RBFOX1: variants seen among roughly 807,000 people sequenced by gnomAD.
The protein encoded by RBFOX1 is RNA binding protein fox-1 homolog 1.
A neutral mutation model predicts 57.7 loss-of-function variants in RBFOX1; 8 were observed. That is an observed-to-expected ratio of 0.14 (90% confidence interval 0.08 to 0.25). The LOEUF is 0.25. Ranked by LOEUF, RBFOX1 falls within the 10% of genes least tolerant of loss-of-function variation. The probability of loss-of-function intolerance (pLI) is 1.00; values close to 1 mark genes in which losing one functional copy is unlikely to be tolerated. For synonymous variants in RBFOX1, 326 were observed against 222.4 expected (o/e 1.47, Z -4.15); for missense variants, 611 against 548.5 (o/e 1.11, Z -1.14).
chr16:7,442,568 A>G (rs2098777034), intron 4 of RBFOX1, among the ~76,000 whole-genome samples: 1 of 152,140 alleles, frequency 6.6e-6, no homozygotes, highest in Admixed American at 6.5e-5. Flanking sequence ...CTTGTCCCTA[A>G]TGAGTTGTCC....
intron 3 of RBFOX1, among the ~76,000 whole-genome samples, chr16:6,909,528 C>A (rs1010220559): frequency 5.9e-5 from 9 of 152,206 alleles, no homozygotes; most frequent in Non-Finnish European, 1.3e-4. Flanking sequence ...GGCGTTCCAC[C>A]TGTGTGATGG....
chr16:6,976,991 A>C (rs1356898757), intron 3 of RBFOX1, among the ~76,000 whole-genome samples: 3 of 147,288 alleles, frequency 2.0e-5, no homozygotes, highest in Non-Finnish European at 4.5e-5. Context: ...CATATATATC[A>C]CATGCCATAT....
chr16:5,364,382 G>C (rs2065645618), intron 1 of RBFOX1, among the ~76,000 whole-genome samples: 1 of 152,120 alleles, frequency 6.6e-6, no homozygotes, highest in East Asian at 1.9e-4. Context: ...TCATTTTCTA[G>C]GAAAACAAGC....
chr16:6,573,345 C>A (rs916323436), intron 2 of RBFOX1, among the ~76,000 whole-genome samples: 3 of 152,162 alleles, frequency 2.0e-5, no homozygotes, highest in African/African-American at 7.2e-5. Context: ...CTTTCTCCTG[C>A]CCCGGACTGT....
chr16:5,302,292 A>C (rs922555882), intron 1 of RBFOX1, among the ~76,000 whole-genome samples: 1 of 152,184 alleles, frequency 6.6e-6, no homozygotes. Flanking sequence ...TGTCAGAGAA[A>C]TCATTTTTTT....
intron 1 of RBFOX1, among the ~76,000 whole-genome samples, chr16:6,159,526 C>A (rs1325550949): frequency 6.6e-6 from 1 of 152,178 alleles, no homozygotes; most frequent in East Asian, 1.9e-4. Context: ...CATCCAGTTC[C>A]AGTGCACACA....
At chr16:5,662,867 A>G (rs900895544) in intron 3 of RBFOX1, among the ~76,000 whole-genome samples, 17 of 152,218 alleles carry the variant, frequency 1.1e-4, no homozygotes, top group African/African-American at 3.6e-4. Context: ...AGTAACACCT[A>G]TGCCACTGTT....
intron 4 of RBFOX1, among the ~76,000 whole-genome samples, chr16:7,513,178 A>G (rs978048487): frequency 2.0e-5 from 3 of 152,040 alleles, no homozygotes; most frequent in Admixed American, 6.6e-5. Flanking sequence ...CAGGAGAATC[A>G]CTTGAACCTC....
At chr16:6,963,797 C>A (rs1309257663) in intron 3 of RBFOX1, among the ~76,000 whole-genome samples, 3 of 150,340 alleles carry the variant, frequency 2.0e-5, no homozygotes, top group Admixed American at 6.6e-5. Context: ...CTCCCGGGTT[C>A]ATGCCATTCT....
At chr16:6,618,962 A>G (rs959422219) in intron 2 of RBFOX1, among the ~76,000 whole-genome samples, 1 of 152,186 alleles carries the variant, frequency 6.6e-6, no homozygotes, top group Non-Finnish European at 1.5e-5. Flanking sequence ...AGAATGCAAA[A>G]GGGTTATTTA....
At chr16:5,550,456 G>C (rs2045417135) in intron 2 of RBFOX1, among the ~76,000 whole-genome samples, 1 of 152,198 alleles carries the variant, frequency 6.6e-6, no homozygotes, top group Admixed American at 6.5e-5. Flanking sequence ...GAAGGCTGAG[G>C]CTGCCCAGGG....
At chr16:5,319,627 A>AGACT (rs2064345220) in intron 1 of RBFOX1, among the ~76,000 whole-genome samples, 1 of 152,212 alleles carries the variant, frequency 6.6e-6, no homozygotes, top group South Asian at 2.1e-4. Context: ...TGGTGGGGAA[A>AGACT]GACTGACCGT....
chr16:7,126,864 C>G (rs1159582078), intron 4 of RBFOX1, among the ~76,000 whole-genome samples: 3 of 151,928 alleles, frequency 2.0e-5, no homozygotes, highest in Non-Finnish European at 4.4e-5. Flanking sequence ...AAAAAATGAG[C>G]TGGATGTGGT....
Position 6,004,346 on chromosome 16 carries a change from G to A in RBFOX1, c.351+137011G>A, listed in dbSNP as rs183193651. Reference sequence around the variant, plus strand: ...CCTCAGTTTTCTTATCTGCAAAATGGAGATAATATTTTATCCATTGCATAG... The same window carrying A: ...CCTCAGTTTTCTTATCTGCAAAATGAAGATAATATTTTATCCATTGCATAG... On this transcript the variant is annotated intron_variant, in intron 4 of 19. Coordinates refer to the RBFOX1 transcript ENST00000641259. Among the ~76,000 whole-genome samples the A allele has an allele frequency of 9.7e-4, 148 of 152,252 alleles. 1 individual carries two copies. Among genetic ancestry groups the A allele is most frequent in the African/African-American group, 3.5e-3 (147 of 41,536 alleles).
chr16:6,275,009 G>A (rs761187799), intron 1 of RBFOX1, among the ~76,000 whole-genome samples: 45 of 152,252 alleles, frequency 3.0e-4, no homozygotes, highest in African/African-American at 6.7e-4. Flanking sequence ...GCTCTTGTCC[G>A]GAGAGTGACA....
In RBFOX1 at chr16:5,931,513, C is replaced by T. The variant is rs377384101; in HGVS notation, c.351+64178C>T. Reference sequence around the variant, plus strand: ...GGCTGAAAAAGCAACAGATGCCCACCGTAGCCCTGCATGCTCAACCACATT... The same window carrying T: ...GGCTGAAAAAGCAACAGATGCCCACTGTAGCCCTGCATGCTCAACCACATT... On this transcript the variant is annotated intron_variant, in intron 4 of 19. Coordinates refer to the RBFOX1 transcript ENST00000641259. Among the ~76,000 whole-genome samples, 185 of 152,218 alleles carry T rather than the reference C, an allele frequency of 1.2e-3. 2 individuals carry two copies. Among genetic ancestry groups the T allele is most frequent in the Non-Finnish European group, 1.4e-3 (97 of 68,022 alleles).
At chr16:7,123,066 A>C (rs983435759) in intron 4 of RBFOX1, among the ~76,000 whole-genome samples, 1 of 152,130 alleles carries the variant, frequency 6.6e-6, no homozygotes, top group Admixed American at 6.6e-5. Context: ...GGTAGTTGCA[A>C]ATGAATAGCA....
At chr16:5,722,464 A>G (rs2051971012) in intron 3 of RBFOX1, among the ~76,000 whole-genome samples, 1 of 152,184 alleles carries the variant, frequency 6.6e-6, no homozygotes, top group South Asian at 2.1e-4. Context: ...AGAAATCCAG[A>G]TACAATTAGA....
intron 2 of RBFOX1, among the ~76,000 whole-genome samples, chr16:6,500,991 G>C (rs2095900675): frequency 6.6e-6 from 1 of 150,756 alleles, no homozygotes; most frequent in Admixed American, 6.6e-5. Flanking sequence ...ATCCTTCCTG[G>C]CAGAGCCCCT....
Sources: gnomAD v4.1 joint callset for allele counts (sites outside exome capture counted in the v4.1 genomes callset) on GRCh38, gnomAD v4.1.1 for gene constraint, MANE v1.5 for transcripts, NCBI Gene and HGNC (gene_info 2026-07-23, HGNC 2026-07-21) for gene names.